Variants in SPATS2L observed in about 807,000 individuals in gnomAD.
The protein encoded by SPATS2L is spermatogenesis associated serine rich 2 like.
In SPATS2L, 30 loss-of-function variants were observed where a neutral mutation model predicts 59.6. The observed-to-expected ratio is 0.50, with a 90% CI of 0.38 to 0.68. The LOEUF is 0.68. SPATS2L is among the 30% of genes least tolerant of loss of function. SPATS2L has a pLI of 0.00. For missense variants in SPATS2L, 615 were observed against 700.0 expected (o/e 0.88, Z 1.37); for synonymous variants, 252 against 263.5 (o/e 0.96, Z 0.42).
chr2:200,314,928 A>ATT (rs1215446347), intron 1 of SPATS2L, among the ~76,000 whole-genome samples: 1 of 152,268 alleles, frequency 6.6e-6, no homozygotes, highest in Non-Finnish European at 1.5e-5. Context: ...TAAACAAAAT[A>ATT]TATTACTAAA....
chr2:200,360,716 CT>C (rs1329422156), intron 2 of SPATS2L, among the ~76,000 whole-genome samples: 1 of 152,140 alleles, frequency 6.6e-6, no homozygotes, highest in African/African-American at 2.4e-5. Flanking sequence ...GTTATTTTGG[CT>C]TTCATCACCT....
At chr2:200,338,475 T>C (rs1215151728) in intron 2 of SPATS2L, among the ~76,000 whole-genome samples, 2 of 152,110 alleles carry the variant, frequency 1.3e-5, no homozygotes, top group East Asian at 3.9e-4. Context: ...TGATGAGAGC[T>C]GCAAAAAACC....
intron 2 of SPATS2L, among the ~76,000 whole-genome samples, chr2:200,351,575 A>C (rs1342931475): frequency 1.3e-5 from 2 of 152,226 alleles, no homozygotes; most frequent in Non-Finnish European, 2.9e-5. Flanking sequence ...TCTGACACGC[A>C]TAATTGTTAA....
intron 8 of SPATS2L, among the ~76,000 whole-genome samples, chr2:200,457,284 T>G (rs1367807575): frequency 6.6e-6 from 1 of 152,014 alleles, no homozygotes; most frequent in Non-Finnish European, 1.5e-5. Context: ...TGGCTATGTT[T>G]GTGAACTTGG....
intron 6 of SPATS2L, among the ~76,000 whole-genome samples, chr2:200,424,431 G>C (rs2083443592): frequency 6.6e-6 from 1 of 152,170 alleles, no homozygotes; most frequent in Non-Finnish European, 1.5e-5. Context: ...TGAGGCTGCA[G>C]TGAGCTATGA....
chr2:200,473,252 G>A (rs1200190825), intron 12 of SPATS2L, among the ~76,000 whole-genome samples, 200 bp downstream of exon 12: 1 of 152,118 alleles, frequency 6.6e-6, no homozygotes, highest in East Asian at 1.9e-4. Flanking sequence ...ATCCATGCCT[G>A]CCAGGTGCTT....
At chr2:200,316,713 G>A (rs1341152785) in intron 1 of SPATS2L, among the ~76,000 whole-genome samples, 2 of 152,280 alleles carry the variant, frequency 1.3e-5, no homozygotes, top group East Asian at 3.9e-4. Context: ...AGTTGTCTTA[G>A]TTAAGGATCC....
chr2:200,437,793 A>G (rs768987312), intron 6 of SPATS2L, among the ~76,000 whole-genome samples: 1 of 152,216 alleles, frequency 6.6e-6, no homozygotes, highest in Non-Finnish European at 1.5e-5. Context: ...TGAATGGACT[A>G]ATGTCTAAAA....
At chr2:200,367,911 C>T (rs1052736115) in intron 2 of SPATS2L, among the ~76,000 whole-genome samples, 2 of 152,144 alleles carry the variant, frequency 1.3e-5, no homozygotes, top group Non-Finnish European at 2.9e-5. Context: ...AGTATTTTGT[C>T]TCATGGTTCT....
intron 2 of SPATS2L, among the ~76,000 whole-genome samples, chr2:200,341,718 T>C (rs953089496): frequency 4.0e-5 from 6 of 150,688 alleles, no homozygotes; most frequent in Admixed American, 3.3e-4. Context: ...TAGACAGAGT[T>C]TTGCTCTGTC....
rs1208763825 is a variant in SPATS2L, at chr2:200,477,782, C to G, written c.1428C>G (p.His476Gln). The change falls in exon 13 of 13, where the codon CAC (histidine) becomes CAG (glutamine). Residue 476 changes from histidine (H) to glutamine (Q), a missense_variant. Transcript: ENST00000409140. ...GCCACGAACACAGAAGACAGCCGCA[C>G]AACGGCTTCCGGCCCAAAAACAAAG... ...NSRHEHRRQP[H>Q]NGFRPKNKGG... 1.9e-6 allele frequency: 3 copies of G among 1,577,866 alleles called. No homozygotes were observed. Among genetic ancestry groups the G allele is most frequent in the Non-Finnish European group, 2.6e-6 (3 of 1,161,772 alleles).
chr2:200,464,168 G>T (rs898592931), intron 9 of SPATS2L, among the ~76,000 whole-genome samples: 5 of 152,202 alleles, frequency 3.3e-5, no homozygotes, highest in African/African-American at 9.7e-5. Flanking sequence ...CAGGATCAGT[G>T]AAGCTTAAGA....
chr2:200,443,270 T>G (rs1266776384), intron 8 of SPATS2L, among the ~76,000 whole-genome samples: 1 of 152,228 alleles, frequency 6.6e-6, no homozygotes, highest in Non-Finnish European at 1.5e-5. Context: ...ATGGTGCTCT[T>G]GAAATATCAG....
intron 6 of SPATS2L, among the ~76,000 whole-genome samples, chr2:200,433,563 A>C (rs1014920710): frequency 2.6e-5 from 4 of 152,114 alleles, no homozygotes; most frequent in Admixed American, 2.6e-4. Flanking sequence ...GCCAAAAAGA[A>C]AATTTCACAA....
intron 2 of SPATS2L, among the ~76,000 whole-genome samples, chr2:200,352,214 A>G (rs1411234134): frequency 6.6e-6 from 1 of 151,608 alleles, no homozygotes; most frequent in Non-Finnish European, 1.5e-5. Context: ...TTTAAGGGTG[A>G]TAGAAAAGGG....
chr2:200,377,106 G>A (rs1427710600), intron 2 of SPATS2L, among the ~76,000 whole-genome samples: 1 of 152,154 alleles, frequency 6.6e-6, no homozygotes, highest in Admixed American at 6.5e-5. Flanking sequence ...AGGCACTGTT[G>A]TAATCACTTT....
At chr2:200,368,284 C>T (rs1424741940) in intron 2 of SPATS2L, among the ~76,000 whole-genome samples, 1 of 152,156 alleles carries the variant, frequency 6.6e-6, no homozygotes, top group African/African-American at 2.4e-5. Flanking sequence ...TTAGTTGACT[C>T]AATGAACTTA....
At chr2:200,399,214 A>G (rs1286375998) in intron 3 of SPATS2L, among the ~76,000 whole-genome samples, 1 of 152,146 alleles carries the variant, frequency 6.6e-6, no homozygotes, top group Non-Finnish European at 1.5e-5. Flanking sequence ...ATTGAACAGC[A>G]GTTCTCCATT....
intron 2 of SPATS2L, among the ~76,000 whole-genome samples, chr2:200,346,423 A>G (rs1460317905): frequency 1.3e-5 from 2 of 152,178 alleles, no homozygotes; most frequent in African/African-American, 2.4e-5. Context: ...AAGTTGTGTG[A>G]CTATGATCTA....
Sources: allele counts gnomAD v4.1 joint callset (sites outside exome capture counted in the v4.1 genomes callset), GRCh38; gene constraint gnomAD v4.1.1; transcripts MANE v1.5; gene names NCBI Gene and HGNC (gene_info 2026-07-23, HGNC 2026-07-21).